KNL1: variants seen among roughly 807,000 people sequenced by gnomAD.
KNL1 encodes outer kinetochore KNL1 complex subunit KNL1.
Under a neutral mutation model 201.3 loss-of-function variants are expected in KNL1, and 66 were observed. That is an observed-to-expected ratio of 0.33 (90% confidence interval 0.27 to 0.40). The LOEUF (loss-of-function observed/expected upper bound fraction) is 0.40. Ranked by LOEUF, KNL1 falls within the 10% of genes least tolerant of loss-of-function variation. The pLI, the probability that KNL1 is intolerant of heterozygous loss-of-function variation, is 1.00. For synonymous variants in KNL1, 895 were observed against 899.2 expected (o/e 1.00, Z 0.08); for missense variants, 2,815 against 2,690.5 (o/e 1.05, Z -1.02).
Position 40,621,283 on chromosome 15 carries a change from A to G in KNL1, c.1019A>G (p.Glu340Gly). 6.2e-7 allele frequency: 1 copy of G among 1,614,008 alleles called. No individual in the cohort carries two copies. Among genetic ancestry groups the G allele is most frequent in the Non-Finnish European group, 8.5e-7 (1 of 1,179,962 alleles). The change falls in exon 10 of 26, where the codon GAA becomes GGA. Residue 340 changes from glutamate (E) to glycine (G), a missense_variant. Glu to Gly is a moderately conservative substitution (Grantham distance 98, BLOSUM62 -2). This residue lies in a region of KNL1 where 2,464 missense variants were observed against 2,291.7 expected (regional missense o/e 1.08). Transcript: ENST00000399668. Reference protein sequence around the residue: ...LPATGNFSEIENQTQNAMDVT... With the variant: ...LPATGNFSEIGNQTQNAMDVT... ...GCAACAGGTAATTTTTCTGAAATAG[A>G]AAATCAAACTCAGAATGCCATGGAT...
At chr15:40,652,130 CT>C in intron 21 of KNL1, 25 bp downstream of exon 21, 1 of 1,475,866 alleles carries the variant, frequency 6.8e-7, no homozygotes, top group Non-Finnish European at 9.5e-7. Flanking sequence ...TGAGATAATT[CT>C]TTTACAGAAA....
chr15:40,654,573 T>TAAA (rs10626725), intron 21 of KNL1, among the ~76,000 whole-genome samples: 3,052 of 143,422 alleles, frequency 0.021, 114 homozygotes, highest in African/African-American at 0.075. Flanking sequence ...TCAGGTAGTT[T>TAAA]AAAAAAAAAA....
chr15:40,621,713 C>T lies in KNL1; in HGVS notation c.1449C>T (p.Asn483=). 6.2e-7 allele frequency: 1 copy of T among 1,612,086 alleles called. No individual in the cohort carries two copies. Among genetic ancestry groups the T allele is most frequent in the Non-Finnish European group, 8.5e-7 (1 of 1,178,428 alleles). Reference sequence around the variant, plus strand: ...AAACTATTTATTCCGGAGAGGAGAACATGGACATTACCAAGAGTCATACAG... The same window carrying T: ...AAACTATTTATTCCGGAGAGGAGAATATGGACATTACCAAGAGTCATACAG... ...TEKTIYSGEE[N]MDITKSHTVA... is the part of the protein sequence containing the mutation. Residue 483 remains asparagine (N), a synonymous_variant, in exon 10 of 26, where the codon AAC becomes AAT. Transcript: ENST00000399668.
intron 5 of KNL1, among the ~76,000 whole-genome samples, chr15:40,609,199 A>G (rs1324912483): frequency 1.3e-5 from 2 of 150,792 alleles, no homozygotes; most frequent in African/African-American, 2.4e-5. Context: ...CTTGAGGCCA[A>G]TAGTTCGAGA....
intron 1 of KNL1, among the ~76,000 whole-genome samples, chr15:40,601,749 AC>A (rs1334532211): frequency 7.1e-6 from 1 of 140,172 alleles, no homozygotes; most frequent in Non-Finnish European, 1.5e-5. Flanking sequence ...AATGGCGTGA[AC>A]CCGGGAGGCG....
intron 9 of KNL1, among the ~76,000 whole-genome samples, chr15:40,620,170 A>G (rs1055008223): frequency 1.3e-5 from 2 of 151,794 alleles, no homozygotes; most frequent in East Asian, 1.9e-4. Context: ...CAGCCTTCCA[A>G]AGTGCTTGGA....
intron 17 of KNL1, among the ~76,000 whole-genome samples, chr15:40,648,835 T>C (rs1477199778): frequency 1.3e-5 from 2 of 150,166 alleles, no homozygotes; most frequent in African/African-American, 2.4e-5. Context: ...CTTTCTTTTT[T>C]TTTTTTTTTT....
chr15:40,650,681 G>C (rs766370084), intron 19 of KNL1, 98 bp downstream of exon 19: 143 of 1,123,088 alleles, frequency 1.3e-4, no homozygotes, highest in Non-Finnish European at 1.7e-4. Context: ...GGGGACATGA[G>C]TCTTGATTGA....
At chr15:40,661,934 G>A (rs907402082) in intron 25 of KNL1, 140 bp from the exon 26 acceptor site, 14 of 501,198 alleles carry the variant, frequency 2.8e-5, no homozygotes, top group Middle Eastern at 4.4e-4. Flanking sequence ...CCAGCTACTC[G>A]GGAGGCTGAG....
intron 6 of KNL1, 124 bp downstream of exon 6, chr15:40,610,421 TG>T: frequency 1.6e-6 from 1 of 613,336 alleles, no homozygotes; most frequent in Non-Finnish European, 2.9e-6. Flanking sequence ...TGATGGGCCA[TG>T]CATAGTGGTT....
At chr15:40,654,583 A>T (rs1893664682) in intron 21 of KNL1, among the ~76,000 whole-genome samples, 1 of 151,738 alleles carries the variant, frequency 6.6e-6, no homozygotes, top group South Asian at 2.1e-4. Context: ...TAAAAAAAAA[A>T]AAAAGGCCAG....
chr15:40,641,688 C>T (rs1893232782), intron 14 of KNL1, among the ~76,000 whole-genome samples: 1 of 152,216 alleles, frequency 6.6e-6, no homozygotes, highest in Non-Finnish European at 1.5e-5. Context: ...GCTTGGGTTT[C>T]ACCCGCAAGG....
At chr15:40,653,517 T>G (rs1005584054) in intron 21 of KNL1, among the ~76,000 whole-genome samples, 10 of 152,182 alleles carry the variant, frequency 6.6e-5, no homozygotes, top group African/African-American at 2.4e-4. Flanking sequence ...TTAATATTCA[T>G]CCACTGTTTT....
intron 13 of KNL1, among the ~76,000 whole-genome samples, chr15:40,638,273 A>G: frequency 1.4e-5 from 2 of 138,386 alleles, no homozygotes; most frequent in African/African-American, 2.6e-5. Flanking sequence ...AGGGGGAAGG[A>G]AGGGAAGGGA....
intron 25 of KNL1, among the ~76,000 whole-genome samples, chr15:40,660,913 G>A (rs1163894659): frequency 6.6e-6 from 1 of 152,088 alleles, no homozygotes; most frequent in Non-Finnish European, 1.5e-5. Context: ...TGGTGAGCCA[G>A]GATCATGCCA....
At chr15:40,600,539 G>A (rs1891760441) in intron 1 of KNL1, among the ~76,000 whole-genome samples, 1 of 152,204 alleles carries the variant, frequency 6.6e-6, no homozygotes, top group South Asian at 2.1e-4. Context: ...GGGCACAGTG[G>A]CTCATGCTTA....
intron 10 of KNL1, 42 bp from the exon 11 acceptor site, chr15:40,628,028 G>A (rs1489577805): frequency 2.1e-6 from 3 of 1,409,822 alleles, no homozygotes; most frequent in Non-Finnish European, 2.9e-6. Context: ...AGTATACAGT[G>A]TATATTTTAT....
At chr15:40,641,829 C>T (rs745491097) in intron 14 of KNL1, among the ~76,000 whole-genome samples, 13 of 152,202 alleles carry the variant, frequency 8.5e-5, no homozygotes, top group Non-Finnish European at 1.0e-4. Context: ...ACCACATTTA[C>T]GCTTGTTTAC....
chr15:40,621,830 T>A lies in KNL1; in HGVS notation c.1566T>A (p.Asn522Lys). 1.9e-6 allele frequency: 3 copies of A among 1,614,000 alleles called. No individual in the cohort carries two copies. The highest frequency in any genetic ancestry group is 2.5e-6 in the Non-Finnish European group (3 of 1,179,920). ...CCGAAAAAGAAATGATGCTCCAAAA[T>A]CTTATGACCACATCAGAAGATGGGA... ...PTPEKEMMLQNLMTTSEDGKM... is the reference protein window; with the variant it reads ...PTPEKEMMLQKLMTTSEDGKM... Residue 522 changes from asparagine to lysine, a missense_variant, in exon 10 of 26, where the codon AAT becomes AAA. Transcript: ENST00000399668.
Sources: gnomAD v4.1 joint callset for allele counts (sites outside exome capture counted in the v4.1 genomes callset) on GRCh38, gnomAD v4.1.1 for gene constraint, gnomAD v4.1.1 regional missense constraint, MANE v1.5 for transcripts, NCBI Gene and HGNC (gene_info 2026-07-23, HGNC 2026-07-21) for gene names.